Variants in PDE4B observed in about 807,000 individuals in gnomAD.
PDE4B encodes the protein 3',5'-cyclic-AMP phosphodiesterase 4B.
Under a neutral mutation model 82.2 loss-of-function variants are expected in PDE4B, and 20 were observed. That is an observed-to-expected ratio of 0.24 (90% CI 0.17 to 0.35). PDE4B has a LOEUF of 0.35. Among genes scored for constraint, PDE4B ranks in the 10% least tolerant of loss-of-function variants. PDE4B has a pLI of 1.00. For missense variants in PDE4B, 655 were observed against 907.2 expected, an observed-to-expected ratio of 0.72 and a Z score of 3.57; for synonymous variants, 320 against 318.9, an observed-to-expected ratio of 1.00 and a Z score of -0.04.
chr1:66,121,204 G>A (rs972439656), intron 3 of PDE4B, among the ~76,000 whole-genome samples: 38 of 151,366 alleles, frequency 2.5e-4, no homozygotes, highest in Admixed American at 7.9e-4. Context: ...ACAAATGCAG[G>A]CATAGCATGA....
At chr1:66,324,409 A>G (rs933030581) in intron 7 of PDE4B, among the ~76,000 whole-genome samples, 1 of 152,100 alleles carries the variant, frequency 6.6e-6, no homozygotes, top group African/African-American at 2.4e-5. Context: ...AATGCATCCA[A>G]GCCTCAATTT....
chr1:66,355,728 T>C (rs1175914255), intron 9 of PDE4B, 108 bp downstream of exon 9: 1 of 553,922 alleles, frequency 1.8e-6, no homozygotes, highest in Non-Finnish European at 3.2e-6. Flanking sequence ...AGTTGAGTCA[T>C]AGAAAAATCC....
At chr1:65,920,694 C>T (rs1224732668) in intron 3 of PDE4B, among the ~76,000 whole-genome samples, 3 of 152,100 alleles carry the variant, frequency 2.0e-5, no homozygotes, top group Non-Finnish European at 4.4e-5. Context: ...TTTTTGTCCT[C>T]TTGATCATTA....
At chr1:65,792,611 T>A (rs1436985419), upstream of PDE4B, 2 of 151,848 alleles carry the variant, frequency 1.3e-5, no homozygotes, top group Non-Finnish European at 2.9e-5. Context: ...GCCCGCGGAA[T>A]ATTGCAGGAG....
chr1:66,192,059 A>T (rs1451447879), intron 3 of PDE4B, among the ~76,000 whole-genome samples: 4 of 152,180 alleles, frequency 2.6e-5, no homozygotes, highest in South Asian at 4.1e-4. Context: ...AGGAAAAATA[A>T]GATGATAATA....
intron 7 of PDE4B, among the ~76,000 whole-genome samples, chr1:66,301,581 T>C (rs1252867995): frequency 1.3e-5 from 2 of 151,490 alleles, no homozygotes; most frequent in East Asian, 3.9e-4. Context: ...TTTCTAACTA[T>C]GCCAGATTGC....
At chr1:66,218,135 T>C (rs1650651860) in intron 3 of PDE4B, among the ~76,000 whole-genome samples, 1 of 152,110 alleles carries the variant, frequency 6.6e-6, no homozygotes, top group Admixed American at 6.6e-5. Flanking sequence ...TTGTTAGTGG[T>C]TTACTATCTA....
At chr1:66,347,573 G>A (rs758127945) in intron 8 of PDE4B, among the ~76,000 whole-genome samples, 1 of 152,156 alleles carries the variant, frequency 6.6e-6, no homozygotes, top group Non-Finnish European at 1.5e-5. Flanking sequence ...AGGCCCTAGA[G>A]TTGATCTTGA....
chr1:66,078,533 A>G (rs1656550813), intron 3 of PDE4B, among the ~76,000 whole-genome samples: 1 of 151,908 alleles, frequency 6.6e-6, no homozygotes, highest in African/African-American at 2.4e-5. Context: ...TTTAATCACC[A>G]TGTTGTGCAG....
chr1:65,962,047 C>A (rs1649568111), intron 3 of PDE4B, among the ~76,000 whole-genome samples: 1 of 152,110 alleles, frequency 6.6e-6, no homozygotes, highest in Admixed American at 6.6e-5. Flanking sequence ...TATACGTAAC[C>A]CACAGAGCAT....
At chr1:65,873,484 A>G (rs1460514273) in intron 1 of PDE4B, among the ~76,000 whole-genome samples, 1 of 152,198 alleles carries the variant, frequency 6.6e-6, no homozygotes. Context: ...AAAGTGTGAG[A>G]TTGGAGACAA....
At chr1:66,249,313 T>A (rs1473034870) in intron 4 of PDE4B, among the ~76,000 whole-genome samples, 2 of 152,214 alleles carry the variant, frequency 1.3e-5, no homozygotes, top group Non-Finnish European at 2.9e-5. Context: ...TAGAGCTTAA[T>A]TCACATAGTA....
intron 6 of PDE4B, among the ~76,000 whole-genome samples, chr1:66,262,843 C>T (rs971006111): frequency 3.9e-5 from 6 of 152,134 alleles, no homozygotes; most frequent in Non-Finnish European, 7.4e-5. Context: ...TCAAAATTAA[C>T]TTCTGAGACA....
intron 8 of PDE4B, among the ~76,000 whole-genome samples, chr1:66,333,383 G>A (rs968840095): frequency 1.3e-5 from 2 of 151,988 alleles, no homozygotes; most frequent in East Asian, 3.9e-4. Flanking sequence ...GAGAGTTGTT[G>A]CTTTTTGTTT....
In PDE4B at chr1:66,031,925, G is replaced by A. The variant is rs188437294; in HGVS notation, c.281+113090G>A. On this transcript the variant is annotated intron_variant, in intron 3 of 16. Coordinates refer to ENST00000341517, the MANE Select transcript of PDE4B (RefSeq NM_002600.4). Reference sequence around the variant, plus strand: ...ACTCAATTAACTTTCCATCCTCTCCGGTGACCCCAGAGGTAGCTCTTTCAA... The same window carrying A: ...ACTCAATTAACTTTCCATCCTCTCCAGTGACCCCAGAGGTAGCTCTTTCAA... Among the ~76,000 whole-genome samples, 54 of 152,176 alleles carry A rather than the reference G, an allele frequency of 3.5e-4. 1 individual carries two copies. Among genetic ancestry groups the A allele is most frequent in the South Asian group, 3.1e-3 (15 of 4,824 alleles).
In PDE4B at chr1:66,361,639, C is replaced by T; in HGVS notation, c.866C>T (p.Pro289Leu). 1.2e-6 allele frequency: 2 copies of T among 1,612,986 alleles called. No individual in the cohort carries two copies. Among genetic ancestry groups the T allele is most frequent in the Non-Finnish European group, 1.7e-6 (2 of 1,179,256 alleles). The change falls in exon 10 of 17, where the codon CCA (proline) becomes CTA (leucine). Residue 289 changes from proline to leucine, a missense_variant. Transcript: ENST00000341517. ...GACAAGCAGAATGATGTGGAGATCCCATCTCCTACCCAGAAAGACAGGGAG... is the reference window on the plus strand; with the variant it reads ...GACAAGCAGAATGATGTGGAGATCCTATCTCCTACCCAGAAAGACAGGGAG... ...FLDKQNDVEIPSPTQKDREKK... is the reference protein window; with the variant it reads ...FLDKQNDVEILSPTQKDREKK...
intron 1 of PDE4B, among the ~76,000 whole-genome samples, chr1:65,828,135 A>G (rs1646039932): frequency 6.6e-6 from 1 of 152,160 alleles, no homozygotes; most frequent in African/African-American, 2.4e-5. Context: ...ATGTAAAGGA[A>G]TCTCTTCAAG....
chr1:66,061,934 A>G (rs1312126013), intron 3 of PDE4B, among the ~76,000 whole-genome samples: 1 of 152,146 alleles, frequency 6.6e-6, no homozygotes, highest in African/African-American at 2.4e-5. Flanking sequence ...AAAAAATAAT[A>G]AAAAGAAGTT....
intron 6 of PDE4B, among the ~76,000 whole-genome samples, chr1:66,258,888 T>G (rs1183574765): frequency 1.3e-5 from 2 of 152,222 alleles, no homozygotes; most frequent in Non-Finnish European, 2.9e-5. Context: ...TAGGCTTTCT[T>G]GTGAGATGAC....
Sources: gnomAD v4.1 joint callset for allele counts (sites outside exome capture counted in the v4.1 genomes callset) on GRCh38, gnomAD v4.1.1 for gene constraint, MANE v1.5 for transcripts, NCBI Gene and HGNC (gene_info 2026-07-23, HGNC 2026-07-21) for gene names.